The following RPA1 variants were observed in gnomAD, a reference collection of about 807,000 sequenced individuals.
The protein encoded by RPA1 is replication protein A 70 kDa DNA-binding subunit.
In RPA1, 49 loss-of-function variants were observed where a neutral mutation model predicts 83.0. The observed-to-expected ratio is 0.59, with a 90% CI of 0.47 to 0.75. RPA1 has a LOEUF of 0.75. Ranked by LOEUF, RPA1 falls within the 30% of genes least tolerant of loss-of-function variation. The pLI, the probability that RPA1 is intolerant of heterozygous loss-of-function variation, is 0.00. For synonymous variants in RPA1, 279 were observed against 281.8 expected, an observed-to-expected ratio of 0.99 and a Z score of 0.10; for missense variants, 693 against 776.1, an observed-to-expected ratio of 0.89 and a Z score of 1.27.
intron 4 of RPA1, among the ~76,000 whole-genome samples, chr17:1,845,160 CTTTGTG>C (rs1008776221): frequency 7.5e-4 from 45 of 59,868 alleles, no homozygotes; most frequent in African/African-American, 2.8e-3. Flanking sequence ...TGTAATGCTG[CTTTGTG>C]TGTGTGTGTG....
chr17:1,879,126 G>T, intron 9 of RPA1, 65 bp downstream of exon 9: 2 of 1,610,924 alleles, frequency 1.2e-6, no homozygotes, highest in Non-Finnish European at 1.7e-6. Context: ...AAAGACGCTG[G>T]CCCAGGGGAG....
chr17:1,866,640 T>A (rs1251794312), intron 5 of RPA1, among the ~76,000 whole-genome samples: 1 of 151,972 alleles, frequency 6.6e-6, no homozygotes, highest in African/African-American at 2.4e-5. Context: ...TTTATATTTT[T>A]AATAGATATG....
In RPA1 at chr17:1,884,963, G is replaced by C. The variant is rs1913938214; in HGVS notation, c.1374+1019G>C. On this transcript the variant is annotated intron_variant, in intron 13 of 16. Coordinates refer to ENST00000254719, the MANE Select transcript of RPA1 (RefSeq NM_002945.5). The surrounding 1 kb of genome is among the most constrained non-coding windows in gnomAD (Gnocchi z 4.1). ...GGCGATGGTTGCTGAACATCGGCGT[G>C]TCTTTGGCAGTTTCTTAAAATAAGA... Among the ~76,000 whole-genome samples, 1 of 152,222 alleles carries C rather than the reference G, an allele frequency of 6.6e-6. No homozygotes were observed. The highest frequency in any genetic ancestry group is 2.4e-5 in the African/African-American group (1 of 41,452).
At chr17:1,850,468 C>T (rs777002506) in intron 4 of RPA1, among the ~76,000 whole-genome samples, 4 of 147,506 alleles carry the variant, frequency 2.7e-5, no homozygotes, top group Non-Finnish European at 4.5e-5. Context: ...AACCAGGAGG[C>T]GGAGGTTGCA....
intron 5 of RPA1, among the ~76,000 whole-genome samples, chr17:1,860,261 C>T (rs1374499834): frequency 6.6e-6 from 1 of 152,158 alleles, no homozygotes. Context: ...CCGGGCCTGC[C>T]TGTGGACTGC....
At chr17:1,851,051 C>T (rs1037888321) in intron 4 of RPA1, among the ~76,000 whole-genome samples, 1 of 152,198 alleles carries the variant, frequency 6.6e-6, no homozygotes, top group African/African-American at 2.4e-5. Flanking sequence ...AAATTGTCAT[C>T]TGTTGTCCAG....
intron 1 of RPA1, among the ~76,000 whole-genome samples, 185 bp downstream of exon 1, chr17:1,830,311 T>G (rs554606550): frequency 5.4e-4 from 83 of 152,316 alleles, no homozygotes; most frequent in African/African-American, 1.9e-3. Context: ...AAAGCATTCT[T>G]TCGATCGTCT....
intron 6 of RPA1, among the ~76,000 whole-genome samples, chr17:1,874,737 C>T (rs990162804): frequency 1.3e-5 from 2 of 152,158 alleles, no homozygotes; most frequent in Non-Finnish European, 2.9e-5. Flanking sequence ...TGATCTCTCT[C>T]GACTCCCCAG....
intron 4 of RPA1, among the ~76,000 whole-genome samples, chr17:1,850,979 A>G (rs939316962): frequency 6.6e-6 from 1 of 151,672 alleles, no homozygotes; most frequent in Non-Finnish European, 1.5e-5. Context: ...TTAAACATCT[A>G]CAAACATAGA....
intron 6 of RPA1, among the ~76,000 whole-genome samples, chr17:1,872,991 G>A (rs1032432336): frequency 7.9e-5 from 12 of 152,148 alleles, no homozygotes; most frequent in Non-Finnish European, 1.5e-4. Flanking sequence ...TAATCTTAAA[G>A]ATACTTAACA....
intron 12 of RPA1, among the ~76,000 whole-genome samples, chr17:1,882,059 C>T (rs1210027091): frequency 6.6e-6 from 1 of 152,174 alleles, no homozygotes; most frequent in Non-Finnish European, 1.5e-5. Flanking sequence ...CTCAGGGTAA[C>T]ATCCATTCTG....
rs1913036125 is a variant in RPA1 at position 1,862,883 on chromosome 17, A to G, written c.362-9551A>G. 2.6e-5 allele frequency among the ~76,000 whole-genome samples: 4 copies of G among 151,316 alleles called. No homozygotes were observed. In the South Asian group the frequency reaches 8.4e-4, roughly 32 times the overall value. On this transcript the variant is annotated intron_variant, in intron 5 of 16. Coordinates refer to ENST00000254719, the MANE Select transcript of RPA1 (RefSeq NM_002945.5). ...CAAGTGCCCGCCACCACGCCCAGCTAATTTTTGTATTTTTAGTAGAGACGA... is the reference window on the plus strand; with the variant it reads ...CAAGTGCCCGCCACCACGCCCAGCTGATTTTTGTATTTTTAGTAGAGACGA...
chr17:1,867,129 G>A (rs1001390680), intron 5 of RPA1, among the ~76,000 whole-genome samples: 5 of 152,022 alleles, frequency 3.3e-5, no homozygotes, highest in African/African-American at 7.3e-5. Context: ...TAAATTATTC[G>A]GCTAAATTAT....
Position 1,877,223 on chromosome 17 carries a change from G to A in RPA1, c.599G>A (p.Cys200Tyr). 6.2e-7 allele frequency: 1 copy of A among 1,614,200 alleles called. No individual in the cohort carries two copies. Among genetic ancestry groups the A allele is most frequent in the Non-Finnish European group, 8.5e-7 (1 of 1,180,024 alleles). Reference sequence around the variant, plus strand: ...GATTTGGTTTGTAGGTGGACCATTTGTGCTCGTGTTACCAACAAAAGTCAG... The same window carrying A: ...GATTTGGTTTGTAGGTGGACCATTTATGCTCGTGTTACCAACAAAAGTCAG... ...LTPYQSKWTI[C>Y]ARVTNKSQIR... Residue 200 changes from cysteine to tyrosine, a missense_variant, in exon 8 of 17, where the codon TGT (cysteine) becomes TAT (tyrosine). By Grantham distance (194) the Cys-to-Tyr change is radical. Coordinates refer to ENST00000254719, the MANE Select transcript of RPA1 (RefSeq NM_002945.5).
chr17:1,874,024 TATATATATAC>T (rs1850895583), intron 6 of RPA1, among the ~76,000 whole-genome samples: 1 of 111,096 alleles, frequency 9.0e-6, no homozygotes, highest in Non-Finnish European at 1.7e-5. Context: ...TATATATATA[TATATATATAC>T]ACACACACAC....
chr17:1,831,869 G>T (rs1911622880), intron 1 of RPA1, among the ~76,000 whole-genome samples: 1 of 150,044 alleles, frequency 6.7e-6, no homozygotes, highest in Non-Finnish European at 1.5e-5. Flanking sequence ...AAAGTGTTGG[G>T]GTTACAGGCG....
intron 1 of RPA1, chr17:1,830,482 C>G (rs1911504123): frequency 4.1e-6 from 1 of 241,976 alleles, no homozygotes; most frequent in Non-Finnish European, 7.9e-6. Flanking sequence ...CGCCTTTCAT[C>G]AACTCTTTAA....
intron 5 of RPA1, among the ~76,000 whole-genome samples, chr17:1,864,134 CAG>C (rs1256405139): frequency 6.6e-6 from 1 of 152,242 alleles, no homozygotes; most frequent in Non-Finnish European, 1.5e-5. Context: ...TGTTTGAACT[CAG>C]AGAAGGAGCT....
intron 2 of RPA1, among the ~76,000 whole-genome samples, chr17:1,843,443 TC>T (rs1451715065): frequency 2.0e-5 from 3 of 151,708 alleles, no homozygotes; most frequent in African/African-American, 7.3e-5. Context: ...GGGATAAAGG[TC>T]CCGGCTCTGC....
Sources: gnomAD v4.1 joint callset for allele counts (sites outside exome capture counted in the v4.1 genomes callset) on GRCh38, gnomAD v4.1.1 for gene constraint, Gnocchi (gnomAD v3.1) non-coding constraint, MANE v1.5 for transcripts, NCBI Gene and HGNC (gene_info 2026-07-23, HGNC 2026-07-21) for gene names.